MYO19: variants seen among roughly 807,000 people sequenced by gnomAD.
MYO19 encodes unconventional myosin-XIX.
MYO19 carries 132 observed loss-of-function variants against 129.2 expected under a neutral mutation model. The observed-to-expected ratio is 1.02, with a 90% CI of 0.89 to 1.18. The LOEUF is 1.18. MYO19 is among the 50% of genes most tolerant of loss of function. The pLI is 0.00. For missense variants in MYO19, 1,210 were observed against 1,216.7 expected (o/e 0.99, Z 0.08); for synonymous variants, 531 against 477.2 (o/e 1.11, Z -1.47).
chr17:36,503,304 C>T, intron 20 of MYO19, 104 bp from the exon 21 acceptor site: 1 of 909,336 alleles, frequency 1.1e-6, no homozygotes, highest in Non-Finnish European at 1.8e-6. Flanking sequence ...CTCAACAACA[C>T]AGCACGGTGC....
At chr17:36,528,984 A>C (rs1315244791) in intron 3 of MYO19, among the ~76,000 whole-genome samples, 1 of 152,130 alleles carries the variant, frequency 6.6e-6, no homozygotes, top group Non-Finnish European at 1.5e-5. Context: ...ACCTTCTGAG[A>C]GAGGTAGCCC....
intron 11 of MYO19, among the ~76,000 whole-genome samples, chr17:36,512,222 C>G (rs2072389393): frequency 6.6e-6 from 1 of 150,988 alleles, no homozygotes; most frequent in Admixed American, 6.6e-5. Context: ...CACACACACA[C>G]ACACACACAC....
intron 17 of MYO19, 34 bp from the exon 18 acceptor site, chr17:36,506,642 A>G: frequency 6.6e-7 from 1 of 1,513,166 alleles, no homozygotes; most frequent in Non-Finnish European, 8.8e-7. Flanking sequence ...CAGTGAGGGC[A>G]GGTGGAGCTT....
chr17:36,536,412 G>C (rs924726267), upstream of MYO19, among the ~76,000 whole-genome samples: 8 of 151,990 alleles, frequency 5.3e-5, no homozygotes, highest in African/African-American at 1.9e-4. Context: ...TTGCATCAAA[G>C]AATCTTCATG....
upstream of MYO19, chr17:36,535,015 T>C (rs1041228657): frequency 1.3e-5 from 2 of 152,370 alleles, no homozygotes; most frequent in African/African-American, 4.8e-5. Flanking sequence ...GCACGTGGCT[T>C]GGCCGGGACG....
At chr17:36,531,282 C>G (rs1007771740) in intron 3 of MYO19, among the ~76,000 whole-genome samples, 1 of 150,646 alleles carries the variant, frequency 6.6e-6, no homozygotes, top group Non-Finnish European at 1.5e-5. Context: ...GTAGTCCCAA[C>G]TACTCGGGAG....
chr17:36,512,093 G>A (rs368745353), intron 11 of MYO19, among the ~76,000 whole-genome samples: 224 of 152,202 alleles, frequency 1.5e-3, no homozygotes, highest in African/African-American at 5.3e-3. Context: ...GCACACGCTT[G>A]TAATTCCAGC....
intron 15 of MYO19, 103 bp from the exon 16 acceptor site, chr17:36,507,615 C>T: frequency 7.3e-7 from 1 of 1,364,072 alleles, no homozygotes; most frequent in South Asian, 1.2e-5. Context: ...TCCAGAACAG[C>T]ATCAAAGAAA....
In MYO19 at chr17:36,512,530, T is replaced by G. The variant is rs564290049; in HGVS notation, c.894+899A>C. On this transcript the variant is annotated intron_variant, in intron 11 of 25. Transcript: ENST00000614623. ...CACAACTTGCTCCAGAAGACTGCCA[T>G]GCCCACCAGGCAGAAGGGCTGTGGC... 2.1e-4 allele frequency: 220 copies of G among 1,040,016 alleles called. 2 individuals are homozygous for G. In the South Asian group the frequency reaches 2.9e-3, roughly 14 times the overall value. 64.4% of individuals were successfully genotyped at this position (1,040,016 alleles called of 1,614,324 possible).
intron 2 of MYO19, among the ~76,000 whole-genome samples, chr17:36,532,974 G>A (rs2073913948): frequency 6.6e-6 from 1 of 152,154 alleles, no homozygotes; most frequent in African/African-American, 2.4e-5. Context: ...GGGAGACAGA[G>A]AAGCCTTGTG....
At chr17:36,530,111 C>T (rs1341834251) in intron 3 of MYO19, among the ~76,000 whole-genome samples, 2 of 152,134 alleles carry the variant, frequency 1.3e-5, no homozygotes, top group Admixed American at 6.6e-5. Context: ...CCTGTAATCC[C>T]AGCACTTAGG....
chr17:36,505,287 T>C lies in MYO19; in HGVS notation c.1905+10A>G, dbSNP rs749270316. 6.2e-7 allele frequency: 1 copy of C among 1,612,618 alleles called. No homozygotes were observed. The highest frequency in any genetic ancestry group is 1.3e-5 in the African/African-American group (1 of 75,030). ...TTGGTGCGAAGCAGCTTTGGCCCGG[T>C]GTTAATTACCTCCTCTTGGAGAAAG... On this transcript the variant is annotated intron_variant, in intron 19 of 25. Transcript: ENST00000614623.
At position 36,498,395 on chromosome 17, in the gene MYO19, A is replaced by C. The variant is rs1327667074; in HGVS notation, c.2628T>G (p.Gly876=). 2.7e-5 allele frequency: 44 copies of C among 1,613,758 alleles called. No individual in the cohort carries two copies. The highest frequency in any genetic ancestry group is 3.5e-5 in the Non-Finnish European group (41 of 1,179,872). The change falls in exon 25 of 26, where the codon GGT becomes GGG. Residue 876 remains glycine (G), a synonymous_variant. Transcript: ENST00000614623. The part of the protein sequence containing the change: ...LGLVLANTAM[G]VGSFQRKLVV... ...CTAATTTCCTCTGAAAGCTGCCTAC[A>C]CCCATAGCCGTATTGGCCAGGACCA...
chr17:36,505,357 G>A lies in MYO19; in HGVS notation c.1845C>T (p.His615=). Residue 615 remains histidine (H), a synonymous_variant, in exon 19 of 26, where the codon CAC becomes CAT. Transcript: ENST00000614623. ...LLQVLHSTTP[H]YIRCIKPNSQ... is the part of the protein sequence containing the mutation. ...TGTTGGGCTTGATGCAGCGAATGTA[G>A]TGGGGCGTGGTGCTGTGTAGGACCT... 2 of 1,614,272 alleles carry A rather than the reference G, an allele frequency of 1.2e-6. No homozygotes were observed. The highest frequency in any genetic ancestry group is 8.5e-7 in the Non-Finnish European group (1 of 1,180,044).
At chr17:36,515,794 C>G in intron 7 of MYO19, 64 bp downstream of exon 7, 1 of 1,555,700 alleles carries the variant, frequency 6.4e-7, no homozygotes, top group Non-Finnish European at 8.8e-7. Flanking sequence ...GTCCCTCTCC[C>G]TGGAAGGTGG....
chr17:36,500,779 A>T, intron 23 of MYO19, 51 bp downstream of exon 23: 1 of 1,564,774 alleles, frequency 6.4e-7, no homozygotes, highest in Non-Finnish European at 8.7e-7. Flanking sequence ...AAAGGAAACC[A>T]ACATCCTGTG....
At position 36,500,880 on chromosome 17, in the gene MYO19, C is replaced by T. The variant is rs759876914; in HGVS notation, c.2327G>A (p.Arg776Gln). The change falls in exon 23 of 26, where the codon CGG (arginine) becomes CAG (glutamine). Residue 776 changes from arginine to glutamine, a missense_variant. Transcript: ENST00000614623. ...RCIQGGWRRHRHREQERQWRA... is the reference protein window; with the variant it reads ...RCIQGGWRRHQHREQERQWRA... ...CCACTGCCGCTCCTGCTCTCGGTGC[C>T]GGTGTCGCCTCCAGCCACCCTGGAT... 1.2e-5 allele frequency: 19 copies of T among 1,606,048 alleles called. No homozygotes were observed. The highest frequency in any genetic ancestry group is 6.6e-5 in the South Asian group (6 of 90,860).
upstream of MYO19, chr17:36,537,285 G>C (rs1257197911): frequency 6.2e-7 from 1 of 1,613,582 alleles, no homozygotes; most frequent in African/African-American, 1.3e-5. Context: ...CACTGACTTT[G>C]TTGTCCTAAT....
intron 2 of MYO19, among the ~76,000 whole-genome samples, chr17:36,540,237 A>G (rs1429543188): frequency 2.0e-5 from 3 of 152,130 alleles, no homozygotes; most frequent in African/African-American, 7.2e-5. Context: ...TTAAATCTGT[A>G]AAAAATAGAG....
Sources: gnomAD v4.1 joint callset for allele counts (sites outside exome capture counted in the v4.1 genomes callset) on GRCh38, gnomAD v4.1.1 for gene constraint, MANE v1.5 for transcripts, NCBI Gene and HGNC (gene_info 2026-07-23, HGNC 2026-07-21) for gene names.